NCOR1: variants seen among roughly 807,000 people sequenced by gnomAD.
The protein encoded by NCOR1 is nuclear receptor corepressor 1.
Under a neutral mutation model 288.1 loss-of-function variants are expected in NCOR1, and 63 were observed. That is an observed-to-expected ratio of 0.22 (90% CI 0.18 to 0.27). The LOEUF (loss-of-function observed/expected upper bound fraction) is 0.27, where lower values mean the gene tolerates loss of function less well. NCOR1 is among the 10% of genes least tolerant of loss of function. The pLI is 1.00. For missense variants in NCOR1, 2,397 were observed against 3,019.2 expected (o/e 0.79, Z 4.83); for synonymous variants, 1,007 against 1,065.9 (o/e 0.94, Z 1.08).
intron 18 of NCOR1, among the ~76,000 whole-genome samples, chr17:16,111,564 T>C (rs906377218): frequency 3.9e-4 from 59 of 151,830 alleles, no homozygotes; most frequent in Non-Finnish European, 5.2e-4. Context: ...ATCAAGCCAC[T>C]GCACTCCAGC....
intron 19 of NCOR1, among the ~76,000 whole-genome samples, chr17:16,103,795 C>A (rs2068062918): frequency 6.6e-6 from 1 of 152,192 alleles, no homozygotes; most frequent in Non-Finnish European, 1.5e-5. Context: ...GTGGATGGAT[C>A]ACCTGAGGTG....
intron 3 of NCOR1, among the ~76,000 whole-genome samples, chr17:16,185,432 C>T (rs2086440079): frequency 6.6e-6 from 1 of 151,692 alleles, no homozygotes; most frequent in Non-Finnish European, 1.5e-5. Flanking sequence ...GCCTATGATC[C>T]CAACACTTTG....
chr17:16,145,101 G>A (rs1216367830), intron 10 of NCOR1, among the ~76,000 whole-genome samples: 4 of 152,210 alleles, frequency 2.6e-5, no homozygotes, highest in Non-Finnish European at 4.4e-5. Flanking sequence ...GGGTTTCGCC[G>A]TGTTGGACGG....
chr17:16,189,424 C>A lies in NCOR1; in HGVS notation c.109-2737G>T, dbSNP rs74431912. On this transcript the variant is annotated intron_variant, in intron 2 of 45. Transcript: ENST00000268712. The stretch of plus-strand genomic sequence containing the variant: ...ATAAAAAAAAAATTTATTAAAGAAT[C>A]AAAGAAACTAAAAACTGAATCACTG... Among the ~76,000 whole-genome samples, 1,092 of 151,984 alleles carry A rather than the reference C, an allele frequency of 7.2e-3. 13 individuals carry two copies. Among genetic ancestry groups the A allele is most frequent in the African/African-American group, 0.025 (1,051 of 41,492 alleles).
Position 16,058,603 on chromosome 17 carries a change from TAAGAA to T in NCOR1, c.5882-9_5882-5del. Reference sequence around the variant, plus strand: ...GTTTCATACCTGTGAGAAGATACTTTAAGAAAAGAAAATCTTATTTCAAAACTAAT... The same window carrying T: ...GTTTCATACCTGTGAGAAGATACTTTAAGAAAATCTTATTTCAAAACTAAT... On this transcript the variant is annotated splice_region_variant and splice_polypyrimidine_tract_variant and intron_variant, in intron 37 of 45. Coordinates refer to ENST00000268712, the MANE Select transcript of NCOR1 (RefSeq NM_006311.4). The T allele has an allele frequency of 1.3e-6, 2 of 1,587,122 alleles. No individual in the cohort carries two copies. The highest frequency in any genetic ancestry group is 8.6e-7 in the Non-Finnish European group (1 of 1,166,920).
rs146881779 is a variant in NCOR1 at position 16,091,473 on chromosome 17, G to A, written c.3016+390C>T. The stretch of plus-strand genomic sequence containing the variant: ...GGAAATATCCACTACACAAAGTTGT[G>A]TCTCTCATCTACCAGAGAATGTGAA... On this transcript the variant is annotated intron_variant, in intron 22 of 45. Coordinates refer to ENST00000268712, the MANE Select transcript of NCOR1 (RefSeq NM_006311.4). The A allele has an allele frequency of 5.2e-6, 4 of 775,924 alleles. No homozygotes were observed. The African/African-American group carries it at 7.4e-5, about 14-fold the overall frequency. The allele number at this position is 775,924 out of a possible 1,614,324, so 48.1% of individuals were successfully genotyped here.
chr17:16,102,755 G>A (rs548156524), intron 19 of NCOR1, among the ~76,000 whole-genome samples: 3 of 152,114 alleles, frequency 2.0e-5, no homozygotes, highest in South Asian at 2.1e-4. Context: ...CACCATGCCC[G>A]GCTAATTTTT....
chr17:16,160,548 T>A (rs894265472), intron 5 of NCOR1, among the ~76,000 whole-genome samples: 9 of 152,164 alleles, frequency 5.9e-5, no homozygotes, highest in Non-Finnish European at 1.3e-4. Context: ...TCCCAGCACT[T>A]TGGGAGGCCA....
At chr17:16,033,700 C>T (rs148883408) in intron 45 of NCOR1, among the ~76,000 whole-genome samples, 16 of 152,250 alleles carry the variant, frequency 1.1e-4, no homozygotes, top group African/African-American at 3.9e-4. Context: ...ATAGTTATTA[C>T]ATACATTAAG....
At chr17:16,081,528 A>T (rs1190736915) in intron 23 of NCOR1, among the ~76,000 whole-genome samples, 1 of 152,216 alleles carries the variant, frequency 6.6e-6, no homozygotes, top group Non-Finnish European at 1.5e-5. Flanking sequence ...GTGCAAACCT[A>T]TGGTGGCTGC....
intron 16 of NCOR1, among the ~76,000 whole-genome samples, chr17:16,120,042 C>A (rs977257647): frequency 6.6e-6 from 1 of 152,112 alleles, no homozygotes; most frequent in Non-Finnish European, 1.5e-5. Context: ...TGAGCTCCTG[C>A]CATATTCCCT....
intron 21 of NCOR1, among the ~76,000 whole-genome samples, chr17:16,095,453 C>A (rs1465722622): frequency 6.8e-6 from 1 of 147,198 alleles, no homozygotes; most frequent in Non-Finnish European, 1.5e-5. Context: ...GGGGTCAGCC[C>A]CCCGCCCGGC....
At chr17:16,108,051 G>A (rs2069150906) in intron 19 of NCOR1, among the ~76,000 whole-genome samples, 2 of 151,278 alleles carry the variant, frequency 1.3e-5, no homozygotes, top group African/African-American at 2.4e-5. Flanking sequence ...AAAAGTAATT[G>A]AAAAGGAAAA....
intron 1 of NCOR1, 129 bp downstream of exon 1, chr17:16,215,233 G>A (rs962184093): frequency 5.2e-6 from 2 of 381,238 alleles, no homozygotes; most frequent in Admixed American, 4.5e-5. Flanking sequence ...GTCCCGACCT[G>A]CCCAGGCCTG....
intron 27 of NCOR1, among the ~76,000 whole-genome samples, chr17:16,075,100 C>A (rs1386156663): frequency 6.6e-6 from 1 of 152,148 alleles, no homozygotes. Context: ...GATCTCCTGA[C>A]CTTGTGATCC....
intron 42 of NCOR1, among the ~76,000 whole-genome samples, chr17:16,043,810 T>C (rs2058164147): frequency 6.6e-6 from 1 of 152,140 alleles, no homozygotes; most frequent in African/African-American, 2.4e-5. Flanking sequence ...TGGTGACACT[T>C]GAGGAGCTGT....
chr17:16,044,678 G>C (rs911137166), intron 42 of NCOR1: 4 of 669,978 alleles, frequency 6.0e-6, no homozygotes, highest in Middle Eastern at 3.7e-4. Flanking sequence ...GCATGACAAT[G>C]AGGTGACCAT....
chr17:16,162,098 ATT>A (rs1248641772), intron 5 of NCOR1, among the ~76,000 whole-genome samples: 1 of 151,924 alleles, frequency 6.6e-6, no homozygotes, highest in Non-Finnish European at 1.5e-5. Context: ...CAAAAAAAAA[ATT>A]TTTTTTAATG....
At chr17:16,146,664 A>G in intron 9 of NCOR1, 116 bp from the exon 10 acceptor site, 1 of 939,012 alleles carries the variant, frequency 1.1e-6, no homozygotes, top group Non-Finnish European at 1.5e-6. Flanking sequence ...CATTTGGCTT[A>G]TGACTCAACT....
Sources: allele counts gnomAD v4.1 joint callset (sites outside exome capture counted in the v4.1 genomes callset), GRCh38; gene constraint gnomAD v4.1.1; transcripts MANE v1.5; gene names NCBI Gene and HGNC (gene_info 2026-07-23, HGNC 2026-07-21).